Variants in NRG3 observed in about 807,000 individuals in gnomAD.
NRG3 encodes neuregulin 3.
A neutral mutation model predicts 66.9 loss-of-function variants in NRG3; 31 were observed. The ratio of observed to expected loss-of-function variants is 0.46; its 90% confidence interval spans 0.35 to 0.63. NRG3 has a LOEUF of 0.63. Ranked by LOEUF, NRG3 falls within the 20% of genes least tolerant of loss-of-function variation. The probability of loss-of-function intolerance (pLI) is 0.00; values close to 1 mark genes in which losing one functional copy is unlikely to be tolerated. For synonymous variants in NRG3, 393 were observed against 359.4 expected (o/e 1.09, Z -1.06); for missense variants, 910 against 878.9 (o/e 1.04, Z -0.45).
chr10:82,787,098 TGC>T (rs2135339567), intron 3 of NRG3, among the ~76,000 whole-genome samples: 1 of 152,332 alleles, frequency 6.6e-6, no homozygotes, highest in African/African-American at 2.4e-5. Context: ...TCTAGACACA[TGC>T]ACACACACCT....
At chr10:82,388,894 G>T (rs146256849) in intron 2 of NRG3, among the ~76,000 whole-genome samples, 5 of 152,162 alleles carry the variant, frequency 3.3e-5, no homozygotes, top group Middle Eastern at 3.4e-3. Flanking sequence ...AAATATTTTC[G>T]AATTCTATCC....
At chr10:82,364,179 G>C (rs1233533013) in intron 2 of NRG3, among the ~76,000 whole-genome samples, 1 of 152,020 alleles carries the variant, frequency 6.6e-6, no homozygotes, top group African/African-American at 2.4e-5. Context: ...TTAAAATCAA[G>C]GTCATTATAA....
At chr10:82,815,332 C>A (rs1013512816) in intron 3 of NRG3, among the ~76,000 whole-genome samples, 3 of 152,128 alleles carry the variant, frequency 2.0e-5, no homozygotes, top group African/African-American at 7.2e-5. Context: ...AGACCTGGCC[C>A]CATTTCATTG....
rs796499844 is a variant in NRG3 at position 82,792,992 on chromosome 10, GT to G, written c.1027+54349del. 6.9e-3 allele frequency among the ~76,000 whole-genome samples: 1,046 copies of G among 151,718 alleles called. 13 individuals are homozygous for G. Among genetic ancestry groups the G allele is most frequent in the African/African-American group, 0.024 (1,009 of 41,400 alleles). On this transcript the variant is annotated intron_variant, in intron 3 of 8. Coordinates refer to ENST00000372141, the MANE Select transcript of NRG3 (RefSeq NM_001010848.4). ...CACCACAGAGGTTTTTTGTTTGTTTGTTTTTTTAATCCTACCAATAAACTCA... is the reference window on the plus strand; with the variant it reads ...CACCACAGAGGTTTTTTGTTTGTTTGTTTTTTAATCCTACCAATAAACTCA...
intron 2 of NRG3, among the ~76,000 whole-genome samples, chr10:82,429,088 T>C (rs1374622260): frequency 1.3e-5 from 2 of 152,006 alleles, no homozygotes; most frequent in African/African-American, 4.8e-5. Context: ...ACAATCTAAT[T>C]GGATTAGTAG....
intron 3 of NRG3, among the ~76,000 whole-genome samples, chr10:82,794,206 GC>G: frequency 6.6e-6 from 1 of 152,072 alleles, no homozygotes; most frequent in South Asian, 2.1e-4. Context: ...ATTCATAATG[GC>G]ATCAATTTTT....
chr10:82,159,416 T>A (rs2071412338), intron 1 of NRG3, among the ~76,000 whole-genome samples: 1 of 151,814 alleles, frequency 6.6e-6, no homozygotes, highest in African/African-American at 2.4e-5. Context: ...GCTTTCCCTG[T>A]CTGTCATGTT....
At chr10:82,188,982 CA>C (rs750221197) in intron 1 of NRG3, among the ~76,000 whole-genome samples, 7 of 148,552 alleles carry the variant, frequency 4.7e-5, no homozygotes, top group African/African-American at 1.7e-4. Context: ...TGGAGAAGGG[CA>C]AAAAAAACTA....
intron 3 of NRG3, among the ~76,000 whole-genome samples, chr10:82,859,926 A>T (rs2064026170): frequency 6.7e-6 from 1 of 149,080 alleles, no homozygotes; most frequent in Admixed American, 6.6e-5. Context: ...TTTTGGTGTT[A>T]AAAAAAAACA....
intron 1 of NRG3, among the ~76,000 whole-genome samples, chr10:81,896,320 T>C (rs1843523768): frequency 6.6e-6 from 1 of 152,058 alleles, no homozygotes; most frequent in Non-Finnish European, 1.5e-5. Context: ...GGAGAAGAGA[T>C]GTACCTCTAA....
At chr10:82,565,003 T>C (rs988843313) in intron 2 of NRG3, among the ~76,000 whole-genome samples, 9 of 152,066 alleles carry the variant, frequency 5.9e-5, no homozygotes, top group African/African-American at 1.2e-4. Flanking sequence ...CTAATACAAT[T>C]AGATGACAGG....
chr10:82,726,942 C>A (rs1281132743), intron 2 of NRG3, among the ~76,000 whole-genome samples: 1 of 152,106 alleles, frequency 6.6e-6, no homozygotes, highest in African/African-American at 2.4e-5. Context: ...AGCAAAGCTG[C>A]CTCTTGTTAT....
intron 2 of NRG3, among the ~76,000 whole-genome samples, chr10:82,629,378 C>T (rs2049652915): frequency 6.6e-6 from 1 of 152,142 alleles, no homozygotes; most frequent in African/African-American, 2.4e-5. Context: ...GTAATGTATG[C>T]ATTTTAGTAT....
At chr10:81,928,613 G>T (rs1847041792) in intron 1 of NRG3, among the ~76,000 whole-genome samples, 1 of 152,114 alleles carries the variant, frequency 6.6e-6, no homozygotes, top group Non-Finnish European at 1.5e-5. Context: ...TGCCCTCCCT[G>T]CCCTACCCTT....
intron 3 of NRG3, among the ~76,000 whole-genome samples, chr10:82,769,519 C>T (rs1243654257): frequency 1.3e-5 from 2 of 151,906 alleles, no homozygotes; most frequent in Non-Finnish European, 2.9e-5. Flanking sequence ...AGATATATTT[C>T]TCAAGTATAA....
intron 1 of NRG3, among the ~76,000 whole-genome samples, chr10:82,168,164 A>G (rs1462877875): frequency 1.3e-5 from 2 of 152,076 alleles, no homozygotes; most frequent in South Asian, 2.1e-4. Flanking sequence ...AGATTGCTGC[A>G]TTTGTCTTCT....
At chr10:82,399,317 A>G (rs946187578) in intron 2 of NRG3, among the ~76,000 whole-genome samples, 1 of 152,238 alleles carries the variant, frequency 6.6e-6, no homozygotes, top group Non-Finnish European at 1.5e-5. Flanking sequence ...GTAAATAAAT[A>G]AAAGTATAAT....
chr10:82,502,684 A>G (rs1844306773), intron 2 of NRG3, among the ~76,000 whole-genome samples: 1 of 152,188 alleles, frequency 6.6e-6, no homozygotes, highest in Non-Finnish European at 1.5e-5. Flanking sequence ...TTTGTGCCTC[A>G]GTTTCCTCCT....
At chr10:82,080,102 G>T (rs2065304094) in intron 1 of NRG3, among the ~76,000 whole-genome samples, 1 of 152,162 alleles carries the variant, frequency 6.6e-6, no homozygotes, top group Non-Finnish European at 1.5e-5. Context: ...AGAATGGCAT[G>T]GACTTTGCGT....
Sources: gnomAD v4.1 joint callset for allele counts (sites outside exome capture counted in the v4.1 genomes callset) on GRCh38, gnomAD v4.1.1 for gene constraint, MANE v1.5 for transcripts, NCBI Gene and HGNC (gene_info 2026-07-23, HGNC 2026-07-21) for gene names.